STK10: variants seen among roughly 807,000 people sequenced by gnomAD.
STK10 encodes the protein serine/threonine kinase 10.
Under a neutral mutation model 113.8 loss-of-function variants are expected in STK10, and 78 were observed. The ratio of observed to expected loss-of-function variants is 0.69; its 90% CI spans 0.57 to 0.83. The LOEUF (loss-of-function observed/expected upper bound fraction) is 0.83, where lower values mean the gene tolerates loss of function less well. STK10 is among the 40% of genes least tolerant of loss of function. The pLI is 0.00. For missense variants in STK10, 1,109 were observed against 1,280.1 expected (o/e 0.87, Z 2.04); for synonymous variants, 465 against 494.7 (o/e 0.94, Z 0.80).
chr5:172,071,046 A>T (rs1029766298), intron 12 of STK10, among the ~76,000 whole-genome samples: 1 of 151,460 alleles, frequency 6.6e-6, no homozygotes, highest in Non-Finnish European at 1.5e-5. Context: ...CATGTCTACT[A>T]AAAATACAAA....
rs368616981 is a variant in STK10, at chr5:172,153,355, A to G, written c.321+3269T>C. Among the ~76,000 whole-genome samples the G allele has an allele frequency of 5.9e-5, 9 of 152,098 alleles. No homozygotes were observed. In the South Asian group the frequency reaches 1.0e-3, roughly 18 times the overall value. ...TAAAATGATGCATGTGGCTCACATT[A>G]TAGTTCTACTGGTCTAGAGCATTTT... On this transcript the variant is annotated intron_variant, in intron 2 of 18. Transcript: ENST00000176763.
At chr5:172,075,743 A>G (rs1208552953) in intron 12 of STK10, among the ~76,000 whole-genome samples, 2 of 152,236 alleles carry the variant, frequency 1.3e-5, no homozygotes, top group East Asian at 1.9e-4. Context: ...ACACGAAAAG[A>G]TACTCAAATC....
intron 15 of STK10, 45 bp from the exon 16 acceptor site, chr5:172,055,821 A>C: frequency 7.2e-7 from 1 of 1,386,986 alleles, no homozygotes; most frequent in South Asian, 1.9e-5. Context: ...TGCACTCTGG[A>C]CTCAGAGCGT....
intron 7 of STK10, among the ~76,000 whole-genome samples, chr5:172,101,679 A>G (rs1398822729): frequency 6.6e-6 from 1 of 152,160 alleles, no homozygotes; most frequent in African/African-American, 2.4e-5. Context: ...AGGAAGAAGT[A>G]GGGCAGGGAA....
chr5:172,152,265 A>T (rs929080042), intron 2 of STK10, among the ~76,000 whole-genome samples: 4 of 152,184 alleles, frequency 2.6e-5, no homozygotes, highest in African/African-American at 9.7e-5. Flanking sequence ...GGTAGCTTGA[A>T]ACTGATCAGG....
At chr5:172,135,273 G>A (rs1042381874) in intron 2 of STK10, among the ~76,000 whole-genome samples, 2 of 152,188 alleles carry the variant, frequency 1.3e-5, no homozygotes, top group Non-Finnish European at 2.9e-5. Flanking sequence ...AGCACTTTGG[G>A]AGGCTGAGGT....
intron 12 of STK10, among the ~76,000 whole-genome samples, chr5:172,077,559 T>C (rs1158589906): frequency 6.6e-6 from 1 of 152,216 alleles, no homozygotes; most frequent in Non-Finnish European, 1.5e-5. Flanking sequence ...TATATACACA[T>C]ACACAGGAAG....
At chr5:172,055,310 C>T (rs531309327) in intron 16 of STK10, among the ~76,000 whole-genome samples, 1 of 152,144 alleles carries the variant, frequency 6.6e-6, no homozygotes, top group Admixed American at 6.5e-5. Context: ...AGCGATCCTC[C>T]CACCTCGGCC....
chr5:172,181,586 G>A (rs1042625486), intron 1 of STK10, among the ~76,000 whole-genome samples: 1 of 150,792 alleles, frequency 6.6e-6, no homozygotes, highest in East Asian at 2.0e-4. Context: ...AGGTTCAAGC[G>A]ATTCTCCTGC....
At position 172,093,440 on chromosome 5, in the gene STK10, T is replaced by C. The variant is rs1253611959; in HGVS notation, c.1526A>G (p.Asn509Ser). 1 of 1,608,002 alleles carries C rather than the reference T, an allele frequency of 6.2e-7. No individual in the cohort carries two copies. The highest frequency in any genetic ancestry group is 1.1e-5 in the South Asian group (1 of 90,928). ...GTNLSTDLSL[N>S]KEMGSLSIKD... ...GATGGACAGAGAGCCCATCTCTTTG[T>C]TCAGCGACAGGTCAGTGGAGAGATT... Residue 509 changes from asparagine (N) to serine (S), a missense_variant, in exon 9 of 19, where the codon AAC becomes AGC. Asn to Ser is a conservative substitution (Grantham distance 46). Around this residue, in one of 5 missense-constraint regions of STK10, gnomAD observed 885 missense variants for 991.1 expected, o/e 0.89. Coordinates refer to ENST00000176763, the MANE Select transcript of STK10 (RefSeq NM_005990.4). This position sits in a 1 kb window ranked among gnomAD's most constrained non-coding sequence, Gnocchi z 4.1.
At position 172,117,523 on chromosome 5, in the gene STK10, C is replaced by T; in HGVS notation, c.478G>A (p.Ala160Thr). ...TCGAGGGTCATCAGCACGTTGCCAG[C>T]TTTCAGATCTCGGTGGATGATCCTC... ...SKRIIHRDLK[A>T]GNVLMTLEGD... The change falls in exon 4 of 19, where the codon GCT becomes ACT. Residue 160 changes from alanine (A) to threonine (T), a missense_variant. Ala to Thr is a moderately conservative substitution (Grantham distance 58, BLOSUM62 0). Coordinates refer to ENST00000176763, the MANE Select transcript of STK10 (RefSeq NM_005990.4). 1 of 1,613,384 alleles carries T rather than the reference C, an allele frequency of 6.2e-7. No homozygotes were observed. The highest frequency in any genetic ancestry group is 8.5e-7 in the Non-Finnish European group (1 of 1,179,992).
chr5:172,088,808 C>T (rs1254753243), intron 10 of STK10, among the ~76,000 whole-genome samples: 2 of 152,204 alleles, frequency 1.3e-5, no homozygotes, highest in Non-Finnish European at 2.9e-5. Context: ...AAGTGACTTA[C>T]TTGCCCAGAA....
chr5:172,119,511 T>C (rs888425634), intron 3 of STK10, among the ~76,000 whole-genome samples: 5 of 151,692 alleles, frequency 3.3e-5, no homozygotes, highest in Non-Finnish European at 7.4e-5. Flanking sequence ...AGGCCAGGAG[T>C]TCAAGGCCAG....
chr5:172,125,854 A>AT (rs201591929), intron 3 of STK10, among the ~76,000 whole-genome samples: 5 of 152,216 alleles, frequency 3.3e-5, no homozygotes, highest in Non-Finnish European at 7.3e-5. Flanking sequence ...AATATCAAGA[A>AT]TTTTAAAAAA....
In STK10 at chr5:172,082,539, A is replaced by C; in HGVS notation, c.1810-34T>G. The C allele has an allele frequency of 6.5e-7, 1 of 1,546,416 alleles. No homozygotes were observed. The highest frequency in any genetic ancestry group is 8.7e-7 in the Non-Finnish European group (1 of 1,147,984). ...AGCAGAAATTCTGAGAAACTTAGCG[A>C]AGTCACTTTATACCTGGGAGGGACA... On this transcript the variant is annotated intron_variant, in intron 11 of 18. Transcript: ENST00000176763. The surrounding 1 kb of genome is among the most constrained non-coding windows in gnomAD (Gnocchi z 4.3).
chr5:172,059,774 C>T (rs187871041), intron 14 of STK10, among the ~76,000 whole-genome samples: 7 of 152,272 alleles, frequency 4.6e-5, no homozygotes, highest in East Asian at 1.9e-4. Flanking sequence ...ACCCCCTCAG[C>T]GTGTCAACTT....
intron 2 of STK10, among the ~76,000 whole-genome samples, chr5:172,140,633 G>A (rs1048859554): frequency 1.3e-5 from 2 of 152,174 alleles, no homozygotes; most frequent in African/African-American, 4.8e-5. Flanking sequence ...GGAGGCGGAG[G>A]TTGCAGTGAG....
intron 18 of STK10, 54 bp from the exon 19 acceptor site, chr5:172,045,076 G>T: frequency 6.3e-7 from 1 of 1,599,316 alleles, no homozygotes. Flanking sequence ...GCCACACGTG[G>T]GTCTCCCACT....
At chr5:172,182,550 ATTT>A (rs774193068) in intron 1 of STK10, among the ~76,000 whole-genome samples, 2 of 107,500 alleles carry the variant, frequency 1.9e-5, no homozygotes, top group South Asian at 2.9e-4. Context: ...TGCCCAGCTC[ATTT>A]TTTTTTTTTT....
Sources: gnomAD v4.1 joint callset for allele counts (sites outside exome capture counted in the v4.1 genomes callset) on GRCh38, gnomAD v4.1.1 for gene constraint, gnomAD v4.1.1 regional missense constraint, Gnocchi (gnomAD v3.1) non-coding constraint, MANE v1.5 for transcripts, NCBI Gene and HGNC (gene_info 2026-07-23, HGNC 2026-07-21) for gene names.